Variants in PAK5 observed in about 807,000 individuals in gnomAD.
PAK5 encodes serine/threonine-protein kinase PAK 5.
A neutral mutation model predicts 65.9 loss-of-function variants in PAK5; 16 were observed. The observed-to-expected ratio is 0.24, with a 90% CI of 0.16 to 0.37. The LOEUF is 0.37. Among genes scored for constraint, PAK5 ranks in the 10% least tolerant of loss-of-function variants. The pLI, the probability that PAK5 is intolerant of heterozygous loss-of-function variation, is 1.00. For missense variants in PAK5, 785 were observed against 903.9 expected, an observed-to-expected ratio of 0.87 and a Z score of 1.69; for synonymous variants, 371 against 354.9, an observed-to-expected ratio of 1.05 and a Z score of -0.51.
In PAK5 at chr20:9,644,110, G is replaced by C. The variant is rs765472012; in HGVS notation, c.204+15C>G. 6.2e-7 allele frequency: 1 copy of C among 1,601,846 alleles called. No homozygotes were observed. Among genetic ancestry groups the C allele is most frequent in the Non-Finnish European group, 8.6e-7 (1 of 1,169,060 alleles). ...TGATTCTTAAGCCCAGCCAAAGATG[G>C]AGCCCTCACCATACCTTCATAGGAG... On this transcript the variant is annotated intron_variant, in intron 3 of 9. Transcript: ENST00000353224.
At chr20:9,806,422 A>G (rs2049233919) in intron 1 of PAK5, among the ~76,000 whole-genome samples, 1 of 152,206 alleles carries the variant, frequency 6.6e-6, no homozygotes, top group African/African-American at 2.4e-5. Flanking sequence ...GAGCATTTGT[A>G]TCTTTCAGGC....
intron 1 of PAK5, among the ~76,000 whole-genome samples, chr20:9,733,716 A>G (rs112501790): frequency 0.02 from 3,118 of 152,208 alleles, 88 homozygotes; most frequent in African/African-American, 0.059. Flanking sequence ...AAGTGCTGGG[A>G]TTAGAGGTGT....
intron 1 of PAK5, among the ~76,000 whole-genome samples, chr20:9,764,417 C>G (rs2048733456): frequency 6.6e-6 from 1 of 152,182 alleles, no homozygotes; most frequent in Non-Finnish European, 1.5e-5. Context: ...TTGGAAGAGG[C>G]AATATCTGCC....
intron 1 of PAK5, among the ~76,000 whole-genome samples, chr20:9,807,662 A>G (rs1424531765): frequency 6.6e-6 from 1 of 150,398 alleles, no homozygotes; most frequent in Non-Finnish European, 1.5e-5. Flanking sequence ...AAGCAAGACT[A>G]TGTTTTCCAG....
At chr20:9,673,048 A>G (rs911205689) in intron 2 of PAK5, among the ~76,000 whole-genome samples, 2 of 152,186 alleles carry the variant, frequency 1.3e-5, no homozygotes, top group Non-Finnish European at 2.9e-5. Flanking sequence ...ACAATTGCCC[A>G]TATGAAAGGA....
At chr20:9,609,180 T>C (rs73895926) in intron 3 of PAK5, among the ~76,000 whole-genome samples, 2,312 of 152,230 alleles carry the variant, frequency 0.015, 61 homozygotes, top group African/African-American at 0.054. Context: ...GCCTCTCTAG[T>C]AATGAAGACA....
At chr20:9,680,117 A>C (rs1287234701) in intron 2 of PAK5, among the ~76,000 whole-genome samples, 1 of 152,232 alleles carries the variant, frequency 6.6e-6, no homozygotes, top group Non-Finnish European at 1.5e-5. Flanking sequence ...ATCAGGCTTC[A>C]TTCACTGATT....
intron 1 of PAK5, among the ~76,000 whole-genome samples, chr20:9,751,091 C>T (rs899003512): frequency 1.3e-5 from 2 of 152,090 alleles, no homozygotes; most frequent in African/African-American, 4.8e-5. Flanking sequence ...CCAAATTAGT[C>T]ATGCTAAGAG....
chr20:9,576,360 G>A (rs2045884893), intron 4 of PAK5, among the ~76,000 whole-genome samples: 1 of 152,162 alleles, frequency 6.6e-6, no homozygotes, highest in East Asian at 1.9e-4. Context: ...ACTGGGCCAA[G>A]TTTGCCCTCT....
Position 9,537,952 on chromosome 20 carries a change from C to A in PAK5, c.*1510G>T, listed in dbSNP as rs75756247. 2 of 230,770 alleles carry A rather than the reference C, an allele frequency of 8.7e-6. No individual in the cohort carries two copies. Among genetic ancestry groups the A allele is most frequent in the South Asian group, 1.8e-4 (1 of 5,492 alleles). The allele number at this position is 230,770 out of a possible 1,614,324, so 14.3% of individuals were successfully genotyped here. On this transcript the variant is annotated 3_prime_UTR_variant, in exon 10 of 10. Coordinates refer to ENST00000353224, the MANE Select transcript of PAK5 (RefSeq NM_177990.4). ...TTAATTATGCTTAGAGCAACCAGAGCGCTATCACAAATTTAAATTCATATT... is the reference window on the plus strand; with the variant it reads ...TTAATTATGCTTAGAGCAACCAGAGAGCTATCACAAATTTAAATTCATATT...
At chr20:9,727,835 A>G (rs1395785185) in intron 1 of PAK5, among the ~76,000 whole-genome samples, 2 of 151,972 alleles carry the variant, frequency 1.3e-5, no homozygotes, top group African/African-American at 4.8e-5. Context: ...TCCTGTGTAC[A>G]TGTTCTTATT....
At chr20:9,768,325 G>A (rs374214487) in intron 1 of PAK5, among the ~76,000 whole-genome samples, 15 of 152,094 alleles carry the variant, frequency 9.9e-5, no homozygotes, top group East Asian at 3.9e-4. Context: ...ACATAGGAAC[G>A]ATAGACACTG....
At chr20:9,702,186 C>T (rs375865554) in intron 2 of PAK5, among the ~76,000 whole-genome samples, 3 of 152,056 alleles carry the variant, frequency 2.0e-5, no homozygotes, top group South Asian at 4.1e-4. Flanking sequence ...AACAACACTG[C>T]TCTAAAGACA....
intron 1 of PAK5, among the ~76,000 whole-genome samples, chr20:9,792,469 C>A (rs1241571309): frequency 6.6e-6 from 1 of 152,110 alleles, no homozygotes; most frequent in Non-Finnish European, 1.5e-5. Flanking sequence ...AATTATACTC[C>A]CCAGTCCATG....
At position 9,724,052 on chromosome 20, in the gene PAK5, T is replaced by G. The variant is rs2048247436; in HGVS notation, c.-161-12617A>C. 2.0e-5 allele frequency among the ~76,000 whole-genome samples: 3 copies of G among 152,304 alleles called. No individual in the cohort carries two copies. The South Asian group carries it at 6.2e-4, about 32-fold the overall frequency. On this transcript the variant is annotated intron_variant, in intron 1 of 9. Coordinates refer to ENST00000353224, the MANE Select transcript of PAK5 (RefSeq NM_177990.4). ...AGAACACTGCCCGTCCATTCTAGAT[T>G]GCTTGCGCATTACAAATGTAGCAGA...
intron 3 of PAK5, among the ~76,000 whole-genome samples, chr20:9,593,570 T>C (rs923237683): frequency 6.6e-6 from 1 of 152,166 alleles, no homozygotes; most frequent in African/African-American, 2.4e-5. Flanking sequence ...CTCCCTCCTC[T>C]TGACCCCCAC....
chr20:9,686,053 C>G (rs547286194), intron 2 of PAK5, among the ~76,000 whole-genome samples: 1 of 152,092 alleles, frequency 6.6e-6, no homozygotes, highest in Non-Finnish European at 1.5e-5. Flanking sequence ...GGTCTCAATG[C>G]CTTAATTTTT....
chr20:9,776,398 C>T (rs748566905), intron 1 of PAK5, among the ~76,000 whole-genome samples: 1 of 152,176 alleles, frequency 6.6e-6, no homozygotes. Context: ...CCATTCCTTG[C>T]ACTGTGGGAG....
intron 2 of PAK5, among the ~76,000 whole-genome samples, chr20:9,651,414 G>T (rs1242261685): frequency 6.6e-6 from 1 of 152,180 alleles, no homozygotes; most frequent in Non-Finnish European, 1.5e-5. Context: ...ACACGCAGAG[G>T]TAGAGGAGCA....
Sources: gnomAD v4.1 joint callset for allele counts (sites outside exome capture counted in the v4.1 genomes callset) on GRCh38, gnomAD v4.1.1 for gene constraint, MANE v1.5 for transcripts, NCBI Gene and HGNC (gene_info 2026-07-23, HGNC 2026-07-21) for gene names.